Variants in MED16 observed in about 807,000 individuals in gnomAD.
MED16 encodes mediator of RNA polymerase II transcription subunit 16.
MED16 carries 81 observed loss-of-function variants against 84.4 expected under a neutral mutation model. The ratio of observed to expected loss-of-function variants is 0.96; its 90% CI spans 0.80 to 1.15. The LOEUF is 1.15. MED16 is among the 50% of genes most tolerant of loss of function. The pLI is 0.00. For missense variants in MED16, 1,585 were observed against 1,245.9 expected, an observed-to-expected ratio of 1.27 and a Z score of -4.10; for synonymous variants, 897 against 552.2, an observed-to-expected ratio of 1.62 and a Z score of -8.76.
At chr19:885,236 A>G (rs2036501819) in intron 5 of MED16, among the ~76,000 whole-genome samples, 1 of 152,166 alleles carries the variant, frequency 6.6e-6, no homozygotes. Context: ...CAGGGACAGC[A>G]AAGGGACACA....
chr19:884,070 G>A (rs946685397), intron 6 of MED16, among the ~76,000 whole-genome samples: 4 of 152,164 alleles, frequency 2.6e-5, no homozygotes, highest in South Asian at 2.1e-4. Flanking sequence ...GTGCTCATTA[G>A]TGGCTTCTGA....
intron 9 of MED16, among the ~76,000 whole-genome samples, chr19:876,453 G>A (rs1003267287): frequency 1.1e-4 from 17 of 152,120 alleles, no homozygotes; most frequent in Admixed American, 4.6e-4. Context: ...ATTCTGAGAG[G>A]ATGGCTTAGA....
At position 871,241 on chromosome 19, in the gene MED16, C is replaced by T. The variant is rs1033087086; in HGVS notation, c.2111G>A (p.Gly704Asp). ...CGCCTCGTCCGGCTCGCTCGCTGGG[C>T]CCTCATCGCGACCTGCGGAGAGAGG... Reference protein sequence around the residue: ...TKLWICCRDEGPASEPDEALV... With the variant: ...TKLWICCRDEDPASEPDEALV... The change falls in exon 13 of 16, where the codon GGC becomes GAC. Residue 704 changes from glycine to aspartate, a missense_variant. Gly to Asp is a moderately conservative substitution (Grantham distance 94). Coordinates refer to ENST00000325464, the MANE Select transcript of MED16 (RefSeq NM_005481.3). The T allele has an allele frequency of 3.2e-6, 5 of 1,538,686 alleles. No homozygotes were observed. The African/African-American group carries it at 6.9e-5, about 21-fold the overall frequency.
intron 2 of MED16, chr19:890,446 C>T: frequency 2.1e-6 from 1 of 471,306 alleles, no homozygotes; most frequent in Non-Finnish European, 3.7e-6. Flanking sequence ...ACAACTGTGT[C>T]TTTAAAACCA....
chr19:890,047 G>A (rs773401117), intron 3 of MED16, 90 bp downstream of exon 3: 117 of 1,024,498 alleles, frequency 1.1e-4, no homozygotes, highest in Non-Finnish European at 1.5e-4. Flanking sequence ...TAGACCCAGC[G>A]CCGGACTCCA....
chr19:876,118 G>A (rs1189724525), intron 9 of MED16, among the ~76,000 whole-genome samples: 2 of 152,188 alleles, frequency 1.3e-5, no homozygotes, highest in Non-Finnish European at 2.9e-5. Flanking sequence ...TTTCTCGGCA[G>A]GCTGTGCCGT....
chr19:874,525 TG>T (rs2036182575), intron 10 of MED16, among the ~76,000 whole-genome samples: 1 of 152,096 alleles, frequency 6.6e-6, no homozygotes, highest in Non-Finnish European at 1.5e-5. Context: ...CTGGGCAAGC[TG>T]CTTAGCCTTT....
chr19:878,513 C>T (rs374212106), intron 8 of MED16, among the ~76,000 whole-genome samples: 1 of 137,050 alleles, frequency 7.3e-6, no homozygotes, highest in Admixed American at 7.5e-5. Flanking sequence ...CCCAGCCCCA[C>T]GTGCCCCAGC....
At chr19:875,549 G>GGC in intron 9 of MED16, 95 bp from the exon 10 acceptor site, 1 of 1,002,732 alleles carries the variant, frequency 1.0e-6, no homozygotes, top group Non-Finnish European at 1.4e-6. Context: ...TCTGACACCA[G>GGC]GCGCTCGGTC....
intron 14 of MED16, 97 bp from the exon 15 acceptor site, chr19:868,596 C>T (rs1002596522): frequency 7.4e-6 from 11 of 1,491,216 alleles, no homozygotes; most frequent in African/African-American, 2.8e-5. Context: ...CCTCTGCTCG[C>T]CGTCCCTCAC....
chr19:886,796 C>T (rs2036535674), intron 4 of MED16, among the ~76,000 whole-genome samples: 2 of 152,228 alleles, frequency 1.3e-5, no homozygotes, highest in African/African-American at 4.8e-5. Context: ...GGGGTCTTGG[C>T]TGCGCACGGT....
intron 5 of MED16, among the ~76,000 whole-genome samples, chr19:885,314 G>A (rs1360470745): frequency 6.6e-6 from 1 of 152,150 alleles, no homozygotes; most frequent in African/African-American, 2.4e-5. Flanking sequence ...AGGAATCCAG[G>A]CGACCTGGTG....
chr19:879,765 C>G (rs1599332316), intron 8 of MED16, among the ~76,000 whole-genome samples, 172 bp downstream of exon 8: 1 of 126,464 alleles, frequency 7.9e-6, no homozygotes, highest in East Asian at 2.6e-4. Flanking sequence ...GCCCACCAGC[C>G]CCAGCCCCAC....
chr19:874,241 G>A (rs1431615482), intron 10 of MED16, among the ~76,000 whole-genome samples: 1 of 152,096 alleles, frequency 6.6e-6, no homozygotes, highest in East Asian at 1.9e-4. Context: ...AGCCTCCCGA[G>A]TAGCTGGGAC....
rs768994507 is a variant in MED16, at chr19:880,087, G to C, written c.1203C>G (p.Thr401=). ...VHIVHRLSLQ[T]MAVFYSSAAP... ...CCGCGGAGCTGTAGAAGACGGCCAT[G>C]GTCTGCAGTGAGAGCCGGTGCACGA... The change falls in exon 8 of 16, where the codon ACC becomes ACG. Residue 401 remains threonine, a synonymous_variant. Transcript: ENST00000325464. 6.2e-7 allele frequency: 1 copy of C among 1,610,916 alleles called. No homozygotes were observed. The highest frequency in any genetic ancestry group is 8.5e-7 in the Non-Finnish European group (1 of 1,179,438).
chr19:869,638 T>C (rs890994218), intron 13 of MED16, among the ~76,000 whole-genome samples: 2 of 152,022 alleles, frequency 1.3e-5, no homozygotes, highest in African/African-American at 4.8e-5. Flanking sequence ...CCAGGGCGCC[T>C]TCCCGGAGGT....
In MED16 at chr19:889,129, T is replaced by C. The variant is rs567011301; in HGVS notation, c.447+509A>G. Among the ~76,000 whole-genome samples, 45 of 121,982 alleles carry C rather than the reference T, an allele frequency of 3.7e-4. 1 individual carries two copies. The South Asian group carries it at 5.1e-3, about 14-fold the overall frequency. 80.0% of individuals were successfully genotyped at this position (121,982 alleles called of 152,430 possible). Reference sequence around the variant, plus strand: ...CCTACTTCTTAACTGTCCCCAACCCTGGCCACGCCTACTCTTAACTGTCCC... The same window carrying C: ...CCTACTTCTTAACTGTCCCCAACCCCGGCCACGCCTACTCTTAACTGTCCC... On this transcript the variant is annotated intron_variant, in intron 4 of 15. Coordinates refer to ENST00000325464, the MANE Select transcript of MED16 (RefSeq NM_005481.3).
In MED16 at chr19:885,645, G is replaced by C. The variant is rs2036510178; in HGVS notation, c.879+125C>G. 7 of 1,162,958 alleles carry C rather than the reference G, an allele frequency of 6.0e-6. No individual in the cohort carries two copies. In the Admixed American group the frequency reaches 1.2e-4, roughly 20 times the overall value. 72.0% of individuals were successfully genotyped at this position (1,162,958 alleles called of 1,614,324 possible). A position where few individuals can be genotyped will look rare whatever the true frequency, so the allele number is the denominator to read the frequency against. ...GTTCTCCCCTGGAGCCCCCGGGAGG[G>C]ACCGGCCCTGCCCACACCACGGTTT... On this transcript the variant is annotated intron_variant, in intron 5 of 15. Coordinates refer to ENST00000325464, the MANE Select transcript of MED16 (RefSeq NM_005481.3).
chr19:883,151 G>A (rs564218872), intron 6 of MED16, among the ~76,000 whole-genome samples: 23 of 152,380 alleles, frequency 1.5e-4, no homozygotes, highest in East Asian at 3.9e-4. Flanking sequence ...AATGAGGGGG[G>A]ACTTGAGGCA....
Sources: gnomAD v4.1 joint callset for allele counts (sites outside exome capture counted in the v4.1 genomes callset) on GRCh38, gnomAD v4.1.1 for gene constraint, MANE v1.5 for transcripts, NCBI Gene and HGNC (gene_info 2026-07-23, HGNC 2026-07-21) for gene names.